The following TLR6 variants were observed in gnomAD, a reference collection of about 807,000 sequenced individuals.
TLR6 encodes the protein toll like receptor 6.
A neutral mutation model predicts 16.1 loss-of-function variants in TLR6; 9 were observed. The observed-to-expected ratio is 0.56, with a 90% confidence interval of 0.34 to 0.98. The LOEUF (loss-of-function observed/expected upper bound fraction) is 0.98. Among genes scored for constraint, TLR6 ranks in the 50% least tolerant of loss-of-function variants. The pLI is 0.02. For missense variants in TLR6, 786 were observed against 921.0 expected (o/e 0.85, Z 1.90); for synonymous variants, 340 against 338.6 (o/e 1.00, Z -0.04).
chr4:38,839,301 ATTT>A (rs753999214), intron 1 of TLR6, among the ~76,000 whole-genome samples: 2,605 of 151,350 alleles, frequency 0.017, 73 homozygotes, highest in African/African-American at 0.058. Context: ...AAGTCTATTG[ATTT>A]TTTTTTAAAA....
the TLR6 span, chr4:38,868,014 C>A: frequency 2.4e-6 from 1 of 420,240 alleles, no homozygotes; most frequent in Non-Finnish European, 4.8e-6. Flanking sequence ...GGGTGAGGGT[C>A]TGGGGCGGCG....
exon 2 of TLR6, chr4:38,829,126 G>A: frequency 1.2e-6 from 2 of 1,614,060 alleles, no homozygotes; most frequent in Non-Finnish European, 1.7e-6. Context: ...TAGGATGGCA[G>A]GATATCTTTT....
chr4:38,863,438 T>C, the TLR6 span, among the ~76,000 whole-genome samples: 1 of 152,158 alleles, frequency 6.6e-6, no homozygotes, highest in Non-Finnish European at 1.5e-5. Context: ...TCCCTGAACT[T>C]CAGACTCACA....
intron 1 of TLR6, among the ~76,000 whole-genome samples, chr4:38,845,851 G>A (rs10021161): frequency 0.029 from 4,487 of 152,190 alleles, 202 homozygotes; most frequent in African/African-American, 0.1. Flanking sequence ...TAGCACTTTG[G>A]GAGGCCGAGG....
At chr4:38,828,718 C>A in exon 2 of TLR6, 1 of 1,614,052 alleles carries the variant, frequency 6.2e-7, no homozygotes, top group South Asian at 1.1e-5. Flanking sequence ...GGGTAAAATT[C>A]AGTAAGGTTG....
chr4:38,848,490 G>A (rs1359551961), intron 1 of TLR6, among the ~76,000 whole-genome samples: 3 of 152,322 alleles, frequency 2.0e-5, no homozygotes, highest in Non-Finnish European at 4.4e-5. Context: ...CCAACTAAAG[G>A]AGGAAGTTCG....
intron 1 of TLR6, among the ~76,000 whole-genome samples, chr4:38,854,333 A>C (rs1416638766): frequency 1.3e-5 from 2 of 152,220 alleles, no homozygotes; most frequent in Non-Finnish European, 2.9e-5. Flanking sequence ...AGATGCTATT[A>C]AGAAATAAAT....
At chr4:38,825,436 CAAGGGAAGAGGGT>C (rs1158257849) in exon 2 of TLR6, 3 of 152,160 alleles carry the variant, frequency 2.0e-5, no homozygotes, top group African/African-American at 7.2e-5. Flanking sequence ...TATGCCATTG[CAAGGGAAGAGGGT>C]ATTACACAAA....
At chr4:38,823,068 A>G (rs1471579876), downstream of TLR6, among the ~76,000 whole-genome samples, 2 of 152,140 alleles carry the variant, frequency 1.3e-5, no homozygotes, top group Non-Finnish European at 2.9e-5. Context: ...CATGAGACCC[A>G]TTCGCTAACA....
At chr4:38,838,148 A>G (rs1712034017) in intron 1 of TLR6, among the ~76,000 whole-genome samples, 1 of 152,236 alleles carries the variant, frequency 6.6e-6, no homozygotes, top group African/African-American at 2.4e-5. Context: ...TGTTGGTGGG[A>G]ATGTAAATTA....
chr4:38,843,126 T>C (rs1712360073), intron 1 of TLR6, among the ~76,000 whole-genome samples: 1 of 152,174 alleles, frequency 6.6e-6, no homozygotes, highest in Admixed American at 6.5e-5. Flanking sequence ...ATTATAGACA[T>C]TGACGTTCAT....
exon 2 of TLR6, chr4:38,826,653 G>GC (rs1444014685): frequency 6.4e-6 from 1 of 155,054 alleles, no homozygotes; most frequent in Non-Finnish European, 1.4e-5. Context: ...TTTTCCCCAA[G>GC]CCCCAGACTT....
exon 2 of TLR6, chr4:38,828,536 G>T: frequency 6.2e-7 from 1 of 1,614,058 alleles, no homozygotes; most frequent in South Asian, 1.1e-5. Flanking sequence ...AACTTGGTTC[G>T]TGATATGTTC....
intron 1 of TLR6, among the ~76,000 whole-genome samples, chr4:38,836,559 A>C (rs1711928911): frequency 6.6e-6 from 1 of 152,250 alleles, no homozygotes; most frequent in Non-Finnish European, 1.5e-5. Context: ...CAATTAACAC[A>C]AAGTTTTCTC....
intron 1 of TLR6, among the ~76,000 whole-genome samples, chr4:38,832,943 T>A (rs189546043): frequency 3.0e-4 from 46 of 152,240 alleles, no homozygotes; most frequent in African/African-American, 9.9e-4. Context: ...ACGACACATC[T>A]ACACATGCCT....
At chr4:38,860,421 G>C (rs1215667116), upstream of TLR6, among the ~76,000 whole-genome samples, 1 of 151,608 alleles carries the variant, frequency 6.6e-6, no homozygotes, top group Non-Finnish European at 1.5e-5. Flanking sequence ...GCTGTGAGCT[G>C]AGATCGTGCC....
chr4:38,824,989 G>T (rs2109398412), exon 2 of TLR6: 1 of 152,282 alleles, frequency 6.6e-6, no homozygotes, highest in African/African-American at 2.4e-5. Flanking sequence ...TACAGACAGG[G>T]TTTCACCATG....
intron 1 of TLR6, among the ~76,000 whole-genome samples, chr4:38,847,311 A>C (rs972013335): frequency 1.8e-4 from 28 of 152,216 alleles, no homozygotes; most frequent in African/African-American, 6.0e-4. Flanking sequence ...GGGTGGTTCC[A>C]AGATGGCCAA....
rs368466613 is a variant in TLR6, at chr4:38,842,722, CT to C, written c.-64-13186del. ...GCTCCGACAGGGGCATCCTGGCCGC[CT>C]GTCCTCATGACCTAATCACCTTCCA... On this transcript the variant is annotated intron_variant, in intron 1 of 1. Coordinates refer to ENST00000436693, the Ensembl canonical transcript of TLR6. Among the ~76,000 whole-genome samples, 236 of 152,386 alleles carry C rather than the reference CT, an allele frequency of 1.5e-3. 1 individual carries two copies. Among genetic ancestry groups the C allele is most frequent in the African/African-American group, 5.1e-3 (212 of 41,596 alleles).
Sources: allele counts gnomAD v4.1 joint callset (sites outside exome capture counted in the v4.1 genomes callset), GRCh38; gene constraint gnomAD v4.1.1; transcripts MANE v1.5; gene names NCBI Gene and HGNC (gene_info 2026-07-23, HGNC 2026-07-21).